Variants in UBOX5 observed in about 807,000 individuals in gnomAD.
The protein encoded by UBOX5 is U-box domain containing 5.
UBOX5 carries 28 observed loss-of-function variants against 39.0 expected under a neutral mutation model. The observed-to-expected ratio is 0.72, with a 90% CI of 0.53 to 0.98. The LOEUF (loss-of-function observed/expected upper bound fraction) is 0.98. Among genes scored for constraint, UBOX5 ranks in the 50% least tolerant of loss-of-function variants. UBOX5 has a pLI of 0.00. For missense variants in UBOX5, 585 were observed against 674.4 expected, an observed-to-expected ratio of 0.87 and a Z score of 1.47; for synonymous variants, 283 against 275.5, an observed-to-expected ratio of 1.03 and a Z score of -0.27.
At chr20:3,126,064 G>T (rs186034389) in intron 1 of UBOX5, among the ~76,000 whole-genome samples, 1 of 152,206 alleles carries the variant, frequency 6.6e-6, no homozygotes, top group Non-Finnish European at 1.5e-5. Context: ...CGGTTTTGTC[G>T]AAAAGAAAAG....
chr20:3,143,622 T>C (rs527389729), intron 1 of UBOX5, among the ~76,000 whole-genome samples: 131 of 152,124 alleles, frequency 8.6e-4, no homozygotes, highest in Non-Finnish European at 1.6e-3. Context: ...GGCGAAACCC[T>C]GTCTCTATTA....
rs1008484240 is a variant in UBOX5 at position 3,109,837 on chromosome 20, G to T, written c.*269C>A. 7.6e-6 allele frequency: 4 copies of T among 528,624 alleles called. No homozygotes were observed. In the East Asian group the frequency reaches 1.4e-4, roughly 18 times the overall value. The allele number at this position is 528,624 out of a possible 1,614,324, so 32.7% of individuals were successfully genotyped here. A position where few individuals can be genotyped will look rare whatever the true frequency, so the allele number is the denominator to read the frequency against. On this transcript the variant is annotated 3_prime_UTR_variant, in exon 5 of 5. Coordinates refer to ENST00000217173, the MANE Select transcript of UBOX5 (RefSeq NM_014948.4). ...AGCAGGGGTCTTCCTGCCTAGGGTG[G>T]GGCTGGCTCCAGTGGGTCCTGGGCT...
chr20:3,140,109 C>A (rs374570546), intron 1 of UBOX5, among the ~76,000 whole-genome samples: 2 of 147,458 alleles, frequency 1.4e-5, no homozygotes, highest in East Asian at 2.0e-4. Context: ...GCAACCTCCA[C>A]CTCCTGGGCT....
At chr20:3,154,011 C>T (rs919135345) in intron 1 of UBOX5, among the ~76,000 whole-genome samples, 1 of 152,078 alleles carries the variant, frequency 6.6e-6, no homozygotes, top group Admixed American at 6.5e-5. Context: ...AAAGAGAAGA[C>T]CTCAAAGGCT....
chr20:3,120,318 G>A (rs1049637942), intron 3 of UBOX5, among the ~76,000 whole-genome samples: 9 of 147,672 alleles, frequency 6.1e-5, no homozygotes, highest in African/African-American at 2.3e-4. Flanking sequence ...CTGCACTCCA[G>A]CCTGGTGACA....
chr20:3,144,987 A>G (rs1165614927), intron 1 of UBOX5, among the ~76,000 whole-genome samples: 1 of 152,194 alleles, frequency 6.6e-6, no homozygotes, highest in Non-Finnish European at 1.5e-5. Flanking sequence ...TGAAAGAGGG[A>G]GCTAAAAGAA....
chr20:3,150,885 ATTC>A (rs1479784051), intron 1 of UBOX5: 1 of 152,114 alleles, frequency 6.6e-6, no homozygotes, highest in Non-Finnish European at 1.5e-5. Context: ...CTTGTGGACC[ATTC>A]TTTTTTTCTT....
At chr20:3,143,094 T>C (rs912820068) in intron 1 of UBOX5, among the ~76,000 whole-genome samples, 9 of 140,574 alleles carry the variant, frequency 6.4e-5, no homozygotes, top group South Asian at 2.3e-4. Context: ...GTTAATCATC[T>C]GTCTTTTTTT....
At position 3,109,547 on chromosome 20, in the gene UBOX5, G is replaced by A; in HGVS notation, c.*559C>T. The A allele has an allele frequency of 1.5e-4, 24 of 158,314 alleles. No individual in the cohort carries two copies. The highest frequency in any genetic ancestry group is 1.5e-3 in the South Asian group (8 of 5,302). 9.8% of individuals were successfully genotyped at this position (158,314 alleles called of 1,614,324 possible). ...GCTACCCTGTGAGCTCCACTTGTGTGGGTGCAGGTGGGCGACAGGAGTGTG... is the reference window on the plus strand; with the variant it reads ...GCTACCCTGTGAGCTCCACTTGTGTAGGTGCAGGTGGGCGACAGGAGTGTG... On this transcript the variant is annotated 3_prime_UTR_variant, in exon 5 of 5. Coordinates refer to ENST00000217173, the MANE Select transcript of UBOX5 (RefSeq NM_014948.4).
Position 3,122,071 on chromosome 20 carries a change from G to A in UBOX5, c.568C>T (p.Arg190Trp), listed in dbSNP as rs775178319. The A allele has an allele frequency of 3.2e-5, 52 of 1,614,194 alleles. 1 individual carries two copies. The highest frequency in any genetic ancestry group is 1.4e-4 in the South Asian group (13 of 91,088). ...VTGGGIPCIK[R>W]LEVWGQPAKT... ...GCCGGCTGACCCCACACTTCCAACC[G>A]CTTGATACAAGGGATACCGCCGCCT... is the stretch of plus-strand genomic sequence containing the variant. The change falls in exon 3 of 5, where the codon CGG becomes TGG. Residue 190 changes from arginine to tryptophan, a missense_variant. Coordinates refer to ENST00000217173, the MANE Select transcript of UBOX5 (RefSeq NM_014948.4).
Position 3,109,779 on chromosome 20 carries a change from A to AG in UBOX5, c.*326dup, listed in dbSNP as rs1491048251. On this transcript the variant is annotated 3_prime_UTR_variant, in exon 5 of 5. Coordinates refer to ENST00000217173, the MANE Select transcript of UBOX5 (RefSeq NM_014948.4). ...AGCCACCCACAGTGCCCTGCTGGAC[A>AG]GGGGGGTATGCGGACTGCACGGGGG... The AG allele has an allele frequency of 5.4e-6, 2 of 373,820 alleles. No homozygotes were observed. The highest frequency in any genetic ancestry group is 1.0e-5 in the Non-Finnish European group (2 of 196,960). 23.2% of individuals were successfully genotyped at this position (373,820 alleles called of 1,614,324 possible).
chr20:3,125,613 C>G (rs1232470662), intron 1 of UBOX5, among the ~76,000 whole-genome samples: 3 of 127,550 alleles, frequency 2.4e-5, no homozygotes, highest in African/African-American at 9.2e-5. Flanking sequence ...GGCCGCCCAT[C>G]GTCTGGGAGG....
intron 1 of UBOX5, among the ~76,000 whole-genome samples, chr20:3,129,656 A>G (rs533299654): frequency 1.1e-4 from 16 of 152,310 alleles, no homozygotes; most frequent in African/African-American, 3.6e-4. Flanking sequence ...TGTTTTGTTT[A>G]GTGGACAAAA....
chr20:3,145,440 C>CTT (rs1568480156), intron 1 of UBOX5, among the ~76,000 whole-genome samples: 5 of 142,368 alleles, frequency 3.5e-5, no homozygotes, highest in African/African-American at 1.3e-4. Context: ...GCCTTTTTTT[C>CTT]CTTTTTTTTT....
At chr20:3,146,808 G>A (rs1008758531) in intron 1 of UBOX5, 4 of 1,613,992 alleles carry the variant, frequency 2.5e-6, no homozygotes, top group Non-Finnish European at 2.5e-6. Context: ...TTCTCATGAA[G>A]AAACGCCAAC....
chr20:3,110,289 G>A lies in UBOX5; in HGVS notation c.1443C>T (p.Pro481=), dbSNP rs776906921. The A allele has an allele frequency of 1.2e-5, 19 of 1,614,092 alleles. No individual in the cohort carries two copies. The highest frequency in any genetic ancestry group is 3.3e-5 in the Admixed American group (2 of 59,988). The change falls in exon 5 of 5, where the codon CCC becomes CCT. Residue 481 remains proline, a synonymous_variant. Transcript: ENST00000217173. ...ATACTCTTTTGCAGGAGGCACATTC[G>A]GGGCCCAGGATGCTCCCAGGCTGCT... The part of the protein sequence containing the change: ...GSEQPGSILG[P]ECASCKRVFS...
At chr20:3,126,213 A>G (rs2066386968) in intron 1 of UBOX5, among the ~76,000 whole-genome samples, 1 of 151,994 alleles carries the variant, frequency 6.6e-6, no homozygotes, top group East Asian at 1.9e-4. Flanking sequence ...CTTACCCCCA[A>G]CCCCGTGCTC....
intron 1 of UBOX5, among the ~76,000 whole-genome samples, chr20:3,134,482 C>T (rs967148628): frequency 2.0e-5 from 3 of 150,382 alleles, no homozygotes; most frequent in African/African-American, 4.9e-5. Flanking sequence ...TGCTTGAACC[C>T]GGGAGGTGGA....
chr20:3,110,292 G>C lies in UBOX5; in HGVS notation c.1440C>G (p.Gly480=). ...CTCTTTTGCAGGAGGCACATTCGGG[G>C]CCCAGGATGCTCCCAGGCTGCTCTG... ...TGSEQPGSIL[G]PECASCKRVF... is the part of the protein sequence containing the mutation. Residue 480 remains glycine (G), a synonymous_variant, in exon 5 of 5, where the codon GGC becomes GGG. Transcript: ENST00000217173. The C allele has an allele frequency of 6.2e-7, 1 of 1,614,124 alleles. No individual in the cohort carries two copies. The highest frequency in any genetic ancestry group is 1.7e-4 in the Middle Eastern group (1 of 6,026).
Sources: allele counts gnomAD v4.1 joint callset (sites outside exome capture counted in the v4.1 genomes callset), GRCh38; gene constraint gnomAD v4.1.1; transcripts MANE v1.5; gene names NCBI Gene and HGNC (gene_info 2026-07-23, HGNC 2026-07-21).